MTMR6: variants seen among roughly 807,000 people sequenced by gnomAD.
MTMR6 encodes the protein phosphatidylinositol-3,5-bisphosphate 3-phosphatase MTMR6.
In MTMR6, 47 loss-of-function variants were observed where a neutral mutation model predicts 80.1. That is an observed-to-expected ratio of 0.59 (90% CI 0.46 to 0.75). The LOEUF is 0.75. Among genes scored for constraint, MTMR6 ranks in the 30% least tolerant of loss-of-function variants. The pLI is 0.00. For missense variants in MTMR6, 629 were observed against 730.9 expected, an observed-to-expected ratio of 0.86 and a Z score of 1.61; for synonymous variants, 254 against 253.0, an observed-to-expected ratio of 1.00 and a Z score of -0.04.
At chr13:25,287,102 C>G in intron 1 of MTMR6, 122 bp downstream of exon 1, 1 of 1,416,520 alleles carries the variant, frequency 7.1e-7, no homozygotes, top group Admixed American at 2.0e-5. Context: ...CCTCCCGCCC[C>G]GGGCCGGGTC....
chr13:25,272,692 C>T (rs77766065), intron 2 of MTMR6, among the ~76,000 whole-genome samples: 10,003 of 152,202 alleles, frequency 0.066, 393 homozygotes, highest in Admixed American at 0.094. Context: ...AGTGAGAACA[C>T]GCAGTATACG....
At chr13:25,272,747 G>A (rs1324547027) in intron 2 of MTMR6, among the ~76,000 whole-genome samples, 1 of 152,142 alleles carries the variant, frequency 6.6e-6, no homozygotes, top group Non-Finnish European at 1.5e-5. Flanking sequence ...GCTTCCACCT[G>A]CATCCATGTT....
chr13:25,273,524 GATT>G (rs1311439560), intron 2 of MTMR6, among the ~76,000 whole-genome samples: 2 of 142,312 alleles, frequency 1.4e-5, no homozygotes, highest in African/African-American at 5.2e-5. Context: ...GGAACAATAG[GATT>G]TTTTTTTTTT....
intron 1 of MTMR6, among the ~76,000 whole-genome samples, chr13:25,274,972 A>ACACACACACACACACACACC: frequency 8.1e-6 from 1 of 123,912 alleles, no homozygotes; most frequent in East Asian, 2.9e-4. Context: ...ACACACACAC[A>ACACACACACACACACACACC]CACACACACA....
intron 13 of MTMR6, among the ~76,000 whole-genome samples, chr13:25,250,711 A>G (rs1377009458): frequency 6.6e-6 from 1 of 152,218 alleles, no homozygotes; most frequent in Non-Finnish European, 1.5e-5. Context: ...TAAAAGCTAC[A>G]TGTATCAACA....
At chr13:25,279,314 GCTCT>G (rs200875623) in intron 1 of MTMR6, among the ~76,000 whole-genome samples, 1 of 151,584 alleles carries the variant, frequency 6.6e-6, no homozygotes, top group South Asian at 2.1e-4. Flanking sequence ...TTCCCCCTTT[GCTCT>G]CTCTCTCTCC....
At chr13:25,256,609 T>C (rs1368206170) in intron 9 of MTMR6, among the ~76,000 whole-genome samples, 3 of 152,216 alleles carry the variant, frequency 2.0e-5, no homozygotes, top group Non-Finnish European at 2.9e-5. Context: ...AATAAAAATC[T>C]GATCATACCT....
At chr13:25,267,963 A>G in intron 2 of MTMR6, 22 bp from the exon 3 acceptor site, 1 of 1,559,182 alleles carries the variant, frequency 6.4e-7, no homozygotes, top group Non-Finnish European at 8.7e-7. Context: ...AAAAACATCC[A>G]GGTCATCAAC....
chr13:25,267,178 C>T (rs934971531), intron 3 of MTMR6, among the ~76,000 whole-genome samples: 6 of 138,704 alleles, frequency 4.3e-5, no homozygotes, highest in South Asian at 2.4e-4. Context: ...ACCTGGGAGG[C>T]GGAGGTTGCA....
intron 11 of MTMR6, among the ~76,000 whole-genome samples, chr13:25,252,568 G>T (rs1200216552): frequency 6.6e-6 from 1 of 152,210 alleles, no homozygotes; most frequent in Non-Finnish European, 1.5e-5. Context: ...TATCCAGGGG[G>T]AAAGTGGAAA....
Position 25,265,750 on chromosome 13 carries a change from T to C in MTMR6, c.591+69A>G, listed in dbSNP as rs551654677. 4.7e-6 allele frequency: 7 copies of C among 1,503,692 alleles called. No homozygotes were observed. The South Asian group carries it at 7.5e-5, about 16-fold the overall frequency. 93.1% of individuals were successfully genotyped at this position (1,503,692 alleles called of 1,614,324 possible). Reference sequence around the variant, plus strand: ...CTATCTCAAAAAAAAAAAAAAAGTGTTATTTTAGATACTTAAACCTGAAGA... The same window carrying C: ...CTATCTCAAAAAAAAAAAAAAAGTGCTATTTTAGATACTTAAACCTGAAGA... On this transcript the variant is annotated intron_variant, in intron 5 of 13. Transcript: ENST00000381801.
intron 6 of MTMR6, chr13:25,260,677 T>C (rs1471809172): frequency 7.9e-7 from 1 of 1,269,120 alleles, no homozygotes; most frequent in Admixed American, 2.7e-5. Flanking sequence ...CCACCAGCTC[T>C]GCATGCGACG....
At position 25,249,259 on chromosome 13, in the gene MTMR6, C is replaced by T; in HGVS notation, c.1839G>A (p.Glu613=). 6.2e-7 allele frequency: 1 copy of T among 1,614,032 alleles called. No homozygotes were observed. Among genetic ancestry groups the T allele is most frequent in the Non-Finnish European group, 8.5e-7 (1 of 1,179,928 alleles). The change falls in exon 14 of 14, where the codon GAG becomes GAA. Residue 613 remains glutamate (E), a synonymous_variant. Coordinates refer to ENST00000381801, the MANE Select transcript of MTMR6 (RefSeq NM_004685.5). ...SKSEPAVVSL[E]YGVARMTC ...AACAAGTCATTCTTGCCACACCATA[C>T]TCTAAGCTGACCACAGCAGGTTCTG... is the stretch of plus-strand genomic sequence containing the variant.
intron 1 of MTMR6, among the ~76,000 whole-genome samples, chr13:25,286,991 A>C (rs529066670): frequency 6.6e-6 from 1 of 152,154 alleles, no homozygotes; most frequent in Admixed American, 6.5e-5. Context: ...ACGCACTCCA[A>C]GATGCTGAAA....
chr13:25,259,818 C>T (rs1487627535), intron 6 of MTMR6, among the ~76,000 whole-genome samples: 1 of 152,034 alleles, frequency 6.6e-6, no homozygotes. Flanking sequence ...ACTCTCAACT[C>T]CTAATAAAGT....
intron 3 of MTMR6, 104 bp downstream of exon 3, chr13:25,267,675 C>T: frequency 8.4e-7 from 1 of 1,196,076 alleles, no homozygotes; most frequent in Non-Finnish European, 1.2e-6. Flanking sequence ...ACCTGACTGT[C>T]AGAGCAAAAA....
intron 3 of MTMR6, among the ~76,000 whole-genome samples, chr13:25,267,023 G>T (rs1324521774): frequency 6.6e-6 from 1 of 152,132 alleles, no homozygotes; most frequent in Admixed American, 6.5e-5. Flanking sequence ...GCCGAGGAGG[G>T]TGGATCACAA....
Position 25,247,990 on chromosome 13 carries a change from T to G in MTMR6, c.*1242A>C, listed in dbSNP as rs1957016119. 1 of 152,150 alleles carries G rather than the reference T, an allele frequency of 6.6e-6. No individual in the cohort carries two copies. Among genetic ancestry groups the G allele is most frequent in the Non-Finnish European group, 1.5e-5 (1 of 67,974 alleles). 9.4% of individuals were successfully genotyped at this position (152,150 alleles called of 1,614,324 possible). ...GTTTTGTTTCTTGTTTTTTGGTAAT[T>G]TAAAGATATGTACTAGTACACAGAA... On this transcript the variant is annotated 3_prime_UTR_variant, in exon 14 of 14. Transcript: ENST00000381801.
intron 1 of MTMR6, among the ~76,000 whole-genome samples, chr13:25,275,103 A>G (rs917650874): frequency 1.3e-5 from 2 of 152,058 alleles, no homozygotes; most frequent in African/African-American, 4.8e-5. Flanking sequence ...CCTTACGAAA[A>G]AAAGTGAAAT....
Sources: gnomAD v4.1 joint callset for allele counts (sites outside exome capture counted in the v4.1 genomes callset) on GRCh38, gnomAD v4.1.1 for gene constraint, MANE v1.5 for transcripts, NCBI Gene and HGNC (gene_info 2026-07-23, HGNC 2026-07-21) for gene names.